COL5A1: variants seen among roughly 807,000 people sequenced by gnomAD.
COL5A1 encodes collagen type V alpha 1 chain, also known as collagen alpha-1(V) chain.
Under a neutral mutation model 263.7 loss-of-function variants are expected in COL5A1, and 16 were observed. The observed-to-expected ratio is 0.06, with a 90% confidence interval of 0.04 to 0.09. The LOEUF is 0.09. Among genes scored for constraint, COL5A1 ranks in the 10% least tolerant of loss-of-function variants. The pLI, the probability that COL5A1 is intolerant of heterozygous loss-of-function variation, is 1.00. For synonymous variants in COL5A1, 1,012 were observed against 1,004.5 expected (o/e 1.01, Z -0.14); for missense variants, 2,036 against 2,540.5 (o/e 0.80, Z 4.27).
chr9:134,792,789 GTGTGTGCATGTGTGCGTGCA>G (rs1352262104), intron 32 of COL5A1, among the ~76,000 whole-genome samples: 5 of 147,180 alleles, frequency 3.4e-5, no homozygotes, highest in East Asian at 2.0e-4. Flanking sequence ...GTACATATGT[GTGTGTGCATGTGTGCGTGCA>G]TGTGTGTGCA....
intron 1 of COL5A1, among the ~76,000 whole-genome samples, chr9:134,679,679 TG>T (rs1386129101): frequency 5.6e-4 from 15 of 27,012 alleles, no homozygotes; most frequent in Admixed American, 1.0e-3. Flanking sequence ...CGGGGCTTCT[TG>T]GGGCACTGCG....
chr9:134,699,701 C>G (rs1833601631), intron 2 of COL5A1, among the ~76,000 whole-genome samples: 1 of 152,168 alleles, frequency 6.6e-6, no homozygotes, highest in Non-Finnish European at 1.5e-5. Flanking sequence ...TGCACTGAGT[C>G]TTGAAGGGGG....
intron 1 of COL5A1, among the ~76,000 whole-genome samples, chr9:134,679,345 G>A (rs1252037022): frequency 8.0e-6 from 1 of 125,736 alleles, no homozygotes; most frequent in Non-Finnish European, 1.6e-5. Flanking sequence ...TTATTAGGGG[G>A]CACTGCAGAG....
At chr9:134,725,292 T>C (rs780799382) in intron 4 of COL5A1, among the ~76,000 whole-genome samples, 13 of 152,088 alleles carry the variant, frequency 8.5e-5, no homozygotes, top group Non-Finnish European at 1.2e-4. Context: ...TCCTCTGTTG[T>C]AGAGTGGGGA....
Position 134,757,458 on chromosome 9 carries a change from G to A in COL5A1, c.1881+640G>A, listed in dbSNP as rs145803930. 6.4e-3 allele frequency among the ~76,000 whole-genome samples: 973 copies of A among 152,294 alleles called. 6 individuals carry two copies. Among genetic ancestry groups the A allele is most frequent in the Non-Finnish European group, 0.01 (706 of 68,030 alleles). On this transcript the variant is annotated intron_variant, in intron 17 of 65. Coordinates refer to ENST00000371817, the MANE Select transcript of COL5A1 (RefSeq NM_000093.5). This position sits in a 1 kb window ranked among gnomAD's most constrained non-coding sequence, Gnocchi z 6.2. ...GTGAAGAGTGCACCTGGGGACAGCA[G>A]CTGTGATTTGGAGATTGGAGACCGG...
At chr9:134,735,820 C>T (rs144216677) in intron 9 of COL5A1, among the ~76,000 whole-genome samples, 77 of 152,370 alleles carry the variant, frequency 5.1e-4, no homozygotes, top group African/African-American at 5.5e-4. Flanking sequence ...AGCACACACA[C>T]GGGTGTCTCT....
intron 32 of COL5A1, among the ~76,000 whole-genome samples, chr9:134,790,780 A>G (rs1564460973): frequency 6.6e-6 from 1 of 151,692 alleles, no homozygotes; most frequent in Non-Finnish European, 1.5e-5. Flanking sequence ...GTCTTCTGAA[A>G]TACTCTTAGG....
At chr9:134,805,721 G>A (rs908692747) in intron 41 of COL5A1, among the ~76,000 whole-genome samples, 3 of 152,186 alleles carry the variant, frequency 2.0e-5, no homozygotes, top group Non-Finnish European at 2.9e-5. Flanking sequence ...CCCCATGGAG[G>A]AGCACAGCAG....
chr9:134,762,556 G>T (rs1836495280), intron 19 of COL5A1, among the ~76,000 whole-genome samples: 1 of 152,208 alleles, frequency 6.6e-6, no homozygotes. Flanking sequence ...GAGGCGAAGT[G>T]GGATCTCTGG....
intron 4 of COL5A1, chr9:134,709,075 GT>G: frequency 1.0e-5 from 4 of 397,126 alleles, no homozygotes; most frequent in South Asian, 7.5e-5. Flanking sequence ...TCCATCTGCA[GT>G]GATCTTATTT....
At chr9:134,760,681 C>T (rs1479583536) in intron 18 of COL5A1, among the ~76,000 whole-genome samples, 1 of 134,578 alleles carries the variant, frequency 7.4e-6, no homozygotes, top group African/African-American at 2.8e-5. Context: ...TGCACACCCC[C>T]CACACTCATA....
intron 9 of COL5A1, chr9:134,732,550 C>G: frequency 3.4e-6 from 1 of 297,806 alleles, no homozygotes. Context: ...AACACGTGGT[C>G]GTACCTCTCT....
intron 28 of COL5A1, among the ~76,000 whole-genome samples, chr9:134,780,672 G>A (rs1267965653): frequency 2.6e-5 from 4 of 152,244 alleles, no homozygotes; most frequent in African/African-American, 9.6e-5. Flanking sequence ...AGATCACTGT[G>A]GTGAAGACAA....
At position 134,754,450 on chromosome 9, in the gene COL5A1, G is replaced by A. The variant is rs560515525; in HGVS notation, c.1827+124G>A. On this transcript the variant is annotated intron_variant, in intron 16 of 65. Transcript: ENST00000371817. The surrounding 1 kb of genome is among the most constrained non-coding windows in gnomAD (Gnocchi z 4.3). ...ATGAAGCCAGGTGGCTCCCCTTCTT[G>A]TGATGGGTGCGTCCATCCCCAAGGC... 1.2e-4 allele frequency: 128 copies of A among 1,094,162 alleles called. 2 individuals carry two copies. In the Middle Eastern group the frequency reaches 2.8e-3, roughly 24 times the overall value. 67.8% of individuals were successfully genotyped at this position (1,094,162 alleles called of 1,614,324 possible).
chr9:134,825,655 C>T lies in COL5A1; in HGVS notation c.4955-137C>T, dbSNP rs72774480. On this transcript the variant is annotated intron_variant, in intron 62 of 65. Transcript: ENST00000371817. ...AAGCAAAATGCAATAAAGTAAACCC[C>T]AGAAAGGCCCGTGTTGGCGGCATTC... 15,324 of 639,786 alleles carry T rather than the reference C, an allele frequency of 0.024. 274 individuals carry two copies. Among genetic ancestry groups the T allele is most frequent in the Non-Finnish European group, 0.033 (11,262 of 340,048 alleles). 39.6% of individuals were successfully genotyped at this position (639,786 alleles called of 1,614,324 possible).
chr9:134,737,926 C>T (rs551500716), intron 9 of COL5A1, among the ~76,000 whole-genome samples: 18 of 152,224 alleles, frequency 1.2e-4, no homozygotes, highest in African/African-American at 3.9e-4. Flanking sequence ...TGGGCTGCTG[C>T]GTGCATGGGA....
intron 22 of COL5A1, 138 bp downstream of exon 22, chr9:134,766,636 C>A: frequency 1.1e-6 from 1 of 875,652 alleles, no homozygotes; most frequent in Non-Finnish European, 1.8e-6. Context: ...GCTGTGGTGC[C>A]CACCCTCCAG....
chr9:134,720,370 C>T (rs1834408722), intron 4 of COL5A1, among the ~76,000 whole-genome samples: 1 of 152,168 alleles, frequency 6.6e-6, no homozygotes, highest in Admixed American at 6.5e-5. Context: ...CAGTGCCGGG[C>T]AAGGCTCCAC....
intron 5 of COL5A1, 102 bp downstream of exon 5, chr9:134,727,499 C>A: frequency 1.5e-6 from 2 of 1,366,520 alleles, no homozygotes; most frequent in Non-Finnish European, 2.1e-6. Context: ...TAAATAAATC[C>A]ACTGGGTGAG....
Sources: gnomAD v4.1 joint callset for allele counts (sites outside exome capture counted in the v4.1 genomes callset) on GRCh38, gnomAD v4.1.1 for gene constraint, Gnocchi (gnomAD v3.1) non-coding constraint, MANE v1.5 for transcripts, NCBI Gene and HGNC (gene_info 2026-07-23, HGNC 2026-07-21) for gene names.